EFCAB5: variants seen among roughly 807,000 people sequenced by gnomAD.
EFCAB5 encodes EF-hand calcium-binding domain-containing protein 5.
EFCAB5 carries 131 observed loss-of-function variants against 167.9 expected under a neutral mutation model. The observed-to-expected ratio is 0.78, with a 90% CI of 0.68 to 0.90. The LOEUF is 0.90. Ranked by LOEUF, EFCAB5 falls within the 40% of genes least tolerant of loss-of-function variation. EFCAB5 has a pLI of 0.00. For synonymous variants in EFCAB5, 574 were observed against 602.8 expected, an observed-to-expected ratio of 0.95 and a Z score of 0.70; for missense variants, 1,663 against 1,745.2, an observed-to-expected ratio of 0.95 and a Z score of 0.84.
chr17:29,965,431 T>A (rs1051792438), intron 3 of EFCAB5, among the ~76,000 whole-genome samples: 4 of 152,188 alleles, frequency 2.6e-5, no homozygotes, highest in African/African-American at 9.7e-5. Flanking sequence ...TTAAATCCAT[T>A]GAGACTAGTT....
At chr17:29,943,158 C>A (rs903831314) in intron 2 of EFCAB5, among the ~76,000 whole-genome samples, 2 of 151,746 alleles carry the variant, frequency 1.3e-5, no homozygotes, top group African/African-American at 4.8e-5. Flanking sequence ...AGATTAAATG[C>A]TTTTTCTTTT....
intron 4 of EFCAB5, among the ~76,000 whole-genome samples, chr17:29,987,050 C>G (rs1420192754): frequency 1.3e-5 from 2 of 152,072 alleles, no homozygotes; most frequent in Non-Finnish European, 2.9e-5. Context: ...GATAAATATG[C>G]CCAATAAGTA....
chr17:30,077,229 G>A (rs1229553681), intron 14 of EFCAB5, among the ~76,000 whole-genome samples: 2 of 152,168 alleles, frequency 1.3e-5, no homozygotes, highest in East Asian at 1.9e-4. Flanking sequence ...TTGAATCTGG[G>A]AGATGGAGGT....
At chr17:29,942,808 G>A (rs1044784768) in intron 2 of EFCAB5, among the ~76,000 whole-genome samples, 2 of 152,068 alleles carry the variant, frequency 1.3e-5, no homozygotes, top group Admixed American at 1.3e-4. Context: ...CTGGGAGACC[G>A]AGGTGGATCA....
In EFCAB5 at chr17:30,053,305, A is replaced by T; in HGVS notation, c.1351A>T (p.Met451Leu). 3 of 1,613,378 alleles carry T rather than the reference A, an allele frequency of 1.9e-6. No homozygotes were observed. The highest frequency in any genetic ancestry group is 2.5e-6 in the Non-Finnish European group (3 of 1,179,488). Residue 451 changes from methionine to leucine, a missense_variant, in exon 10 of 23, where the codon ATG becomes TTG. Transcript: ENST00000394835. ...EINLTELWGD[M>L]DNQKHIYEGF... The stretch of plus-strand genomic sequence containing the variant: ...AAACTTGACTGAGTTGTGGGGAGAC[A>T]TGGATAATCAGAAACACATTTATGA...
chr17:30,065,019 T>G (rs2070524663), intron 14 of EFCAB5, among the ~76,000 whole-genome samples: 1 of 152,174 alleles, frequency 6.6e-6, no homozygotes, highest in South Asian at 2.1e-4. Flanking sequence ...AAGCAAAAAC[T>G]TGAGGGAAAT....
At chr17:30,073,061 A>ATT (rs545468255) in intron 14 of EFCAB5, 420 of 518,886 alleles carry the variant, frequency 8.1e-4, no homozygotes, top group South Asian at 2.1e-3. Context: ...CCCAACCTTT[A>ATT]TTTTTTTTTT....
At chr17:29,968,473 G>A (rs1597595518) in intron 3 of EFCAB5, 2 of 354,878 alleles carry the variant, frequency 5.6e-6, no homozygotes, top group Middle Eastern at 1.1e-3. Flanking sequence ...ATGCTTTTTT[G>A]CTGTGAGGAA....
intron 4 of EFCAB5, among the ~76,000 whole-genome samples, chr17:29,980,110 A>T (rs2068143336): frequency 6.6e-6 from 1 of 152,206 alleles, no homozygotes; most frequent in East Asian, 1.9e-4. Flanking sequence ...CGGAGGTTGC[A>T]GTGAGCTGAG....
chr17:30,097,261 G>T (rs2071316275), intron 22 of EFCAB5, among the ~76,000 whole-genome samples: 2 of 151,636 alleles, frequency 1.3e-5, no homozygotes. Context: ...TCTCCGTCTT[G>T]GTCAGACTGG....
intron 11 of EFCAB5, 39 bp downstream of exon 11, chr17:30,056,004 G>T: frequency 1.2e-6 from 2 of 1,613,136 alleles, no homozygotes; most frequent in South Asian, 2.2e-5. Context: ...TTATACCCTA[G>T]AACAAAAATA....
chr17:30,104,568 A>T (rs1264800222), intron 22 of EFCAB5, among the ~76,000 whole-genome samples: 2 of 151,860 alleles, frequency 1.3e-5, no homozygotes, highest in African/African-American at 4.8e-5. Context: ...AAAAAGCGTT[A>T]TTTCTATGGT....
At chr17:29,934,475 T>C (rs1279638796) in intron 1 of EFCAB5, among the ~76,000 whole-genome samples, 1 of 152,140 alleles carries the variant, frequency 6.6e-6, no homozygotes, top group East Asian at 1.9e-4. Flanking sequence ...AACTTGAACA[T>C]AATTAAAAGG....
At chr17:30,066,518 G>A (rs2070576297) in intron 14 of EFCAB5, among the ~76,000 whole-genome samples, 1 of 151,834 alleles carries the variant, frequency 6.6e-6, no homozygotes, top group East Asian at 1.9e-4. Flanking sequence ...TACAGAAAAA[G>A]CAGTATTGAA....
intron 14 of EFCAB5, chr17:30,069,142 G>C: frequency 6.5e-7 from 1 of 1,542,266 alleles, no homozygotes; most frequent in Non-Finnish European, 9.0e-7. Flanking sequence ...GCTGGAACCA[G>C]AACCAAATGC....
At chr17:29,942,978 C>T (rs1392334777) in intron 2 of EFCAB5, among the ~76,000 whole-genome samples, 1 of 151,796 alleles carries the variant, frequency 6.6e-6, no homozygotes, top group East Asian at 1.9e-4. Flanking sequence ...GCGGAGGTTG[C>T]AGTGAGCCGA....
chr17:29,973,368 C>T (rs1318508895), intron 4 of EFCAB5, among the ~76,000 whole-genome samples: 1 of 152,040 alleles, frequency 6.6e-6, no homozygotes, highest in African/African-American at 2.4e-5. Flanking sequence ...CATTAAAATT[C>T]GCTGTGCTGA....
At chr17:30,031,187 T>C (rs2069470503) in intron 7 of EFCAB5, among the ~76,000 whole-genome samples, 1 of 152,186 alleles carries the variant, frequency 6.6e-6, no homozygotes, top group African/African-American at 2.4e-5. Context: ...CAGGACCAGA[T>C]ACCCCAGATC....
intron 14 of EFCAB5, among the ~76,000 whole-genome samples, chr17:30,077,446 A>G (rs2070891150): frequency 6.6e-6 from 1 of 152,202 alleles, no homozygotes; most frequent in Non-Finnish European, 1.5e-5. Context: ...TGGGAAAATT[A>G]CAAGAAAGGT....
Sources: gnomAD v4.1 joint callset for allele counts (sites outside exome capture counted in the v4.1 genomes callset) on GRCh38, gnomAD v4.1.1 for gene constraint, MANE v1.5 for transcripts, NCBI Gene and HGNC (gene_info 2026-07-23, HGNC 2026-07-21) for gene names.